Variants in PLXNA4 observed in about 807,000 individuals in gnomAD.
PLXNA4 encodes plexin A4.
A neutral mutation model predicts 191.8 loss-of-function variants in PLXNA4; 44 were observed. The ratio of observed to expected loss-of-function variants is 0.23; its 90% CI spans 0.18 to 0.29. The LOEUF (loss-of-function observed/expected upper bound fraction) is 0.29. Ranked by LOEUF, PLXNA4 falls within the 10% of genes least tolerant of loss-of-function variation. PLXNA4 has a pLI of 1.00. For synonymous variants in PLXNA4, 1,082 were observed against 1,009.5 expected (o/e 1.07, Z -1.36); for missense variants, 1,800 against 2,488.8 (o/e 0.72, Z 5.89).
chr7:132,288,212 T>G (rs1454064236), intron 4 of PLXNA4, among the ~76,000 whole-genome samples: 2 of 152,128 alleles, frequency 1.3e-5, no homozygotes, highest in Non-Finnish European at 2.9e-5. Context: ...CAAAGTGCAG[T>G]AGGAGCGTGT....
chr7:132,253,699 C>G (rs778684061), intron 4 of PLXNA4, among the ~76,000 whole-genome samples: 1 of 152,132 alleles, frequency 6.6e-6, no homozygotes, highest in Non-Finnish European at 1.5e-5. Flanking sequence ...ATAAAATTAA[C>G]TATCCCATAT....
At chr7:132,158,174 G>A (rs1795848839) in intron 25 of PLXNA4, among the ~76,000 whole-genome samples, 1 of 152,194 alleles carries the variant, frequency 6.6e-6, no homozygotes, top group Non-Finnish European at 1.5e-5. Flanking sequence ...GAGGAAATGG[G>A]GTTAAATGAA....
intron 3 of PLXNA4, among the ~76,000 whole-genome samples, chr7:132,434,111 G>A (rs371023270): frequency 7.9e-5 from 12 of 152,158 alleles, no homozygotes; most frequent in African/African-American, 1.7e-4. Context: ...GACGCTTCCC[G>A]CCTTTGGTTG....
Position 132,508,549 on chromosome 7 carries a change from C to T in PLXNA4, c.145G>A (p.Glu49Lys), listed in dbSNP as rs769200820. 9 of 1,614,046 alleles carry T rather than the reference C, an allele frequency of 5.6e-6. No individual in the cohort carries two copies. Among genetic ancestry groups the T allele is most frequent in the Admixed American group, 1.7e-5 (1 of 59,998 alleles). The change falls in exon 2 of 32, where the codon GAG becomes AAG. Residue 49 changes from glutamate (E) to lysine (K), a missense_variant. Around this residue, in one of 6 missense-constraint regions of PLXNA4, gnomAD observed 1,397 missense variants for 1,880.4 expected, o/e 0.74. Coordinates refer to ENST00000321063, the MANE Select transcript of PLXNA4 (RefSeq NM_020911.2). This position sits in a 1 kb window ranked among gnomAD's most constrained non-coding sequence, Gnocchi z 4.4. ...TCCACCACCAGGTGATTGAAACCCT[C>T]GGCGGGCTCTCCTCGGAATGTGACA... ...SFVTFRGEPA[E>K]GFNHLVVDER... is the part of the protein sequence containing the mutation.
chr7:132,427,638 G>A (rs888458172), intron 3 of PLXNA4, among the ~76,000 whole-genome samples: 2 of 152,184 alleles, frequency 1.3e-5, no homozygotes, highest in African/African-American at 4.8e-5. Flanking sequence ...GGTGGAAAGA[G>A]CTCTGGGGTC....
intron 9 of PLXNA4, among the ~76,000 whole-genome samples, chr7:132,220,074 A>G (rs1293792457): frequency 1.3e-5 from 2 of 152,252 alleles, no homozygotes; most frequent in African/African-American, 4.8e-5. Context: ...TAAAATAAGT[A>G]CATATAGAAT....
At chr7:132,521,889 G>T (rs1799202454) in intron 1 of PLXNA4, among the ~76,000 whole-genome samples, 1 of 152,188 alleles carries the variant, frequency 6.6e-6, no homozygotes, top group Admixed American at 6.5e-5. Flanking sequence ...ACTTGGTCAT[G>T]CCCTCTTCCT....
chr7:132,328,451 T>C (rs572029136), intron 3 of PLXNA4, among the ~76,000 whole-genome samples: 1 of 152,248 alleles, frequency 6.6e-6, no homozygotes, highest in South Asian at 2.1e-4. Context: ...GCAAGATGCC[T>C]GGGGCTAATA....
At chr7:132,437,308 T>G (rs942326075) in intron 3 of PLXNA4, among the ~76,000 whole-genome samples, 5 of 152,178 alleles carry the variant, frequency 3.3e-5, no homozygotes, top group African/African-American at 1.2e-4. Context: ...GCTGCCTCCC[T>G]TCGTGGTCCT....
In PLXNA4 at chr7:132,614,069, C is replaced by T. The variant is rs183722267; in HGVS notation, c.-87+31859G>A. ...ACTTTGCTGAGAATGTGCTTTCACC[C>T]AGTGCTATCCTGTAGAAATGTAATG... On this transcript the variant is annotated intron_variant, in intron 2 of 4. Transcript: ENST00000378539. 4.5e-4 allele frequency among the ~76,000 whole-genome samples: 68 copies of T among 152,256 alleles called. No homozygotes were observed. In the East Asian group the frequency reaches 0.011, roughly 24 times the overall value.
chr7:132,366,472 C>T (rs558998338), intron 3 of PLXNA4, among the ~76,000 whole-genome samples: 47 of 151,924 alleles, frequency 3.1e-4, no homozygotes, highest in Non-Finnish European at 6.2e-4. Flanking sequence ...TGCAGTGAGC[C>T]GAGATTGTGT....
intron 4 of PLXNA4, among the ~76,000 whole-genome samples, chr7:132,297,817 A>G (rs1023064837): frequency 3.9e-5 from 6 of 152,210 alleles, no homozygotes. Context: ...AGAAGAAAGC[A>G]AATGTTGGCC....
At chr7:132,377,422 G>GAAAAAAAAAAAAAAAAAAAA (rs10596289) in intron 3 of PLXNA4, among the ~76,000 whole-genome samples, 4 of 86,512 alleles carry the variant, frequency 4.6e-5, no homozygotes, top group Middle Eastern at 6.2e-3. Context: ...AAATGAAAAA[G>GAAAAAAAAAAAAAAAAAAAA]AAAAAAAAAA....
At chr7:132,302,126 G>C (rs1584964004) in intron 3 of PLXNA4, among the ~76,000 whole-genome samples, 1 of 152,178 alleles carries the variant, frequency 6.6e-6, no homozygotes, top group Non-Finnish European at 1.5e-5. Context: ...TGGAGAGAGA[G>C]AATTGACTAA....
chr7:132,349,021 T>C (rs1472678940), intron 3 of PLXNA4, among the ~76,000 whole-genome samples: 1 of 152,134 alleles, frequency 6.6e-6, no homozygotes, highest in African/African-American at 2.4e-5. Context: ...CTCCCCACCA[T>C]GTGTACTTCT....
At chr7:132,300,364 A>G (rs553010553) in intron 3 of PLXNA4, among the ~76,000 whole-genome samples, 3 of 152,324 alleles carry the variant, frequency 2.0e-5, no homozygotes, top group South Asian at 2.1e-4. Flanking sequence ...AGTCTGTACA[A>G]TTCCTGAGAC....
intron 2 of PLXNA4, among the ~76,000 whole-genome samples, chr7:132,610,344 T>A (rs1254169694): frequency 6.6e-6 from 1 of 152,140 alleles, no homozygotes; most frequent in Non-Finnish European, 1.5e-5. Flanking sequence ...GACTGGGAAG[T>A]GGAGCTATGC....
intron 4 of PLXNA4, among the ~76,000 whole-genome samples, chr7:132,273,219 A>C (rs547099164): frequency 2.6e-5 from 4 of 152,080 alleles, no homozygotes; most frequent in Non-Finnish European, 5.9e-5. Flanking sequence ...TTGAAAGTGG[A>C]AGCATTGGAA....
chr7:132,134,424 T>C (rs956886389), intron 30 of PLXNA4, among the ~76,000 whole-genome samples: 1 of 152,136 alleles, frequency 6.6e-6, no homozygotes, highest in Non-Finnish European at 1.5e-5. Flanking sequence ...GGGCCTGCAA[T>C]GGAATGACAG....
Sources: gnomAD v4.1 joint callset for allele counts (sites outside exome capture counted in the v4.1 genomes callset) on GRCh38, gnomAD v4.1.1 for gene constraint, gnomAD v4.1.1 regional missense constraint, Gnocchi (gnomAD v3.1) non-coding constraint, MANE v1.5 for transcripts, NCBI Gene and HGNC (gene_info 2026-07-23, HGNC 2026-07-21) for gene names.